Variants in TUSC3 observed in about 807,000 individuals in gnomAD.
TUSC3 encodes the protein tumor suppressor candidate 3.
A neutral mutation model predicts 44.8 loss-of-function variants in TUSC3; 45 were observed. That is an observed-to-expected ratio of 1.00 (90% CI 0.79 to 1.29). TUSC3 has a LOEUF of 1.29. Among genes scored for constraint, TUSC3 ranks in the 50% most tolerant of loss-of-function variants. The pLI is 0.00. For synonymous variants in TUSC3, 212 were observed against 152.9 expected, an observed-to-expected ratio of 1.39 and a Z score of -2.85; for missense variants, 519 against 437.9, an observed-to-expected ratio of 1.19 and a Z score of -1.65.
At chr8:15,583,198 A>G (rs1334074606) in intron 1 of TUSC3, among the ~76,000 whole-genome samples, 1 of 152,252 alleles carries the variant, frequency 6.6e-6, no homozygotes, top group Non-Finnish European at 1.5e-5. Flanking sequence ...GAAATTAAAT[A>G]GTATACTTTA....
intron 1 of TUSC3, among the ~76,000 whole-genome samples, chr8:15,560,269 G>A (rs924285779): frequency 6.9e-6 from 1 of 144,926 alleles, no homozygotes; most frequent in Non-Finnish European, 1.5e-5. Context: ...ATGAAGCTTA[G>A]TTTGGCTGGA....
At chr8:15,448,404 C>G (rs991966662) in intron 1 of TUSC3, among the ~76,000 whole-genome samples, 10 of 151,990 alleles carry the variant, frequency 6.6e-5, no homozygotes, top group African/African-American at 2.4e-4. Context: ...CAGACATGTG[C>G]CACCATGCCC....
At chr8:15,620,281 G>C (rs1471183071) in intron 1 of TUSC3, among the ~76,000 whole-genome samples, 5 of 152,144 alleles carry the variant, frequency 3.3e-5, no homozygotes, top group Non-Finnish European at 7.4e-5. Flanking sequence ...GTGTAGTCAT[G>C]GTAATGAAAA....
At chr8:15,604,975 A>C (rs1388149832) in intron 1 of TUSC3, among the ~76,000 whole-genome samples, 1 of 151,858 alleles carries the variant, frequency 6.6e-6, no homozygotes, top group East Asian at 1.9e-4. Flanking sequence ...TTTTTTGGTA[A>C]AGAGATACAT....
rs544700414 is a variant in TUSC3 at position 15,651,940 on chromosome 8, G to A, written c.426+1126G>A. Among the ~76,000 whole-genome samples, 401 of 152,250 alleles carry A rather than the reference G, an allele frequency of 2.6e-3. 2 individuals are homozygous for A. The highest frequency in any genetic ancestry group is 9.3e-3 in the African/African-American group (385 of 41,556). ...TATTTCATCTAGCTTCACAGTGAGA[G>A]AAATGTTGTTACTGGCTCCATTTCA... On this transcript the variant is annotated intron_variant, in intron 3 of 10. Transcript: ENST00000503731.
At chr8:15,729,196 T>C (rs544509281) in intron 6 of TUSC3, among the ~76,000 whole-genome samples, 2 of 152,336 alleles carry the variant, frequency 1.3e-5, no homozygotes, top group South Asian at 4.1e-4. Flanking sequence ...TAAACTCAGA[T>C]ATGTTAGTCA....
In TUSC3 at chr8:15,562,235, C is replaced by T. The variant is rs549738723; in HGVS notation, c.138+21667C>T. Among the ~76,000 whole-genome samples the T allele has an allele frequency of 3.9e-5, 6 of 152,048 alleles. 1 individual carries two copies. The highest frequency in any genetic ancestry group is 5.9e-5 in the Non-Finnish European group (4 of 68,026). On this transcript the variant is annotated intron_variant, in intron 1 of 10. Coordinates refer to ENST00000503731, the MANE Select transcript of TUSC3 (RefSeq NM_006765.4). The stretch of plus-strand genomic sequence containing the variant: ...GTGATTTACCAACACTGTTATCTTA[C>T]GGTTTTCTTCTGAGATGTTATCATT...
At chr8:15,845,013 G>C in the TUSC3 span, among the ~76,000 whole-genome samples, 1 of 152,070 alleles carries the variant, frequency 6.6e-6, no homozygotes, top group Non-Finnish European at 1.5e-5. Flanking sequence ...CAGCAGAACA[G>C]AAAATGCAGT....
At chr8:15,510,723 C>T (rs1286139912) in intron 2 of TUSC3, among the ~76,000 whole-genome samples, 4 of 151,942 alleles carry the variant, frequency 2.6e-5, no homozygotes, top group Non-Finnish European at 2.9e-5. Flanking sequence ...GGAATGCTTT[C>T]TTATTCCATG....
At chr8:15,742,249 T>C (rs1462818105) in intron 7 of TUSC3, among the ~76,000 whole-genome samples, 1 of 2,376 alleles carries the variant, frequency 4.2e-4, no homozygotes, top group African/African-American at 1.2e-3. Context: ...TTTTCTCTTG[T>C]ATATGTTAGG....
intron 1 of TUSC3, among the ~76,000 whole-genome samples, chr8:15,457,671 A>C (rs923819768): frequency 6.7e-6 from 1 of 149,950 alleles, no homozygotes; most frequent in Non-Finnish European, 1.5e-5. Context: ...TTAATATATA[A>C]ACAGCATTGC....
intron 1 of TUSC3, among the ~76,000 whole-genome samples, chr8:15,420,340 T>G (rs1235028191): frequency 6.6e-6 from 1 of 150,638 alleles, no homozygotes; most frequent in African/African-American, 2.4e-5. Flanking sequence ...CTACTAAAAA[T>G]AAAAAAAAAT....
chr8:15,654,140 GT>G (rs1807042529), intron 3 of TUSC3, among the ~76,000 whole-genome samples: 1 of 152,186 alleles, frequency 6.6e-6, no homozygotes, highest in African/African-American at 2.4e-5. Context: ...AACCTCTAAA[GT>G]TTTAGAACAT....
At chr8:15,693,726 T>A (rs923216608) in intron 6 of TUSC3, among the ~76,000 whole-genome samples, 13 of 152,140 alleles carry the variant, frequency 8.5e-5, no homozygotes, top group Non-Finnish European at 1.8e-4. Context: ...ACGGATGATA[T>A]TCTGAAATAC....
chr8:15,560,182 C>T (rs1224663155), intron 1 of TUSC3, among the ~76,000 whole-genome samples: 2 of 143,746 alleles, frequency 1.4e-5, no homozygotes, highest in African/African-American at 2.6e-5. Flanking sequence ...TTCAGGAGCT[C>T]TTTTAGGGCA....
chr8:15,845,415 A>G, the TUSC3 span, among the ~76,000 whole-genome samples: 3 of 152,178 alleles, frequency 2.0e-5, no homozygotes, highest in African/African-American at 7.2e-5. Flanking sequence ...ATTAACATGC[A>G]TATGTGCATG....
chr8:15,733,930 G>C (rs763419120), intron 7 of TUSC3, among the ~76,000 whole-genome samples: 1 of 152,116 alleles, frequency 6.6e-6, no homozygotes, highest in Non-Finnish European at 1.5e-5. Context: ...TGTGGTTCTA[G>C]CTACTTGGGA....
intron 2 of TUSC3, among the ~76,000 whole-genome samples, chr8:15,513,148 A>C (rs1801164993): frequency 6.6e-6 from 1 of 151,782 alleles, no homozygotes. Flanking sequence ...AATGAGTGTG[A>C]CATCATATAC....
the TUSC3 span, among the ~76,000 whole-genome samples, chr8:15,788,125 T>C: frequency 6.6e-6 from 1 of 152,180 alleles, no homozygotes; most frequent in Non-Finnish European, 1.5e-5. Context: ...GTGAGGACTT[T>C]TGAAAACCAG....
Sources: gnomAD v4.1 joint callset for allele counts (sites outside exome capture counted in the v4.1 genomes callset) on GRCh38, gnomAD v4.1.1 for gene constraint, MANE v1.5 for transcripts, NCBI Gene and HGNC (gene_info 2026-07-23, HGNC 2026-07-21) for gene names.